Variants in SMIM8 observed in about 807,000 individuals in gnomAD.
SMIM8 encodes the protein small integral membrane protein 8.
A neutral mutation model predicts 8.1 loss-of-function variants in SMIM8; 8 were observed. The ratio of observed to expected loss-of-function variants is 0.99; its 90% confidence interval spans 0.58 to 1.78. The LOEUF is 1.78. Among genes scored for constraint, SMIM8 ranks in the 40% most tolerant of loss-of-function variants. SMIM8 has a pLI of 0.00. For missense variants in SMIM8, 126 were observed against 119.8 expected, an observed-to-expected ratio of 1.05 and a Z score of -0.24; for synonymous variants, 45 against 39.7, an observed-to-expected ratio of 1.13 and a Z score of -0.50.
At position 87,337,071 on chromosome 6, in the gene SMIM8, C is replaced by T. The variant is rs151038931; in HGVS notation, c.40C>T (p.Pro14Ser). The change falls in exon 3 of 4, where the codon CCA becomes TCA. Residue 14 changes from proline to serine, a missense_variant. Physicochemically the swap from Pro to Ser is moderately conservative, Grantham distance 74. Transcript: ENST00000392863. ...APEPPTFKKE[P>S]PKEKEFQSPG... ...TGAGCCTCCAACATTCAAAAAGGAA[C>T]CACCCAAAGAGAAAGAGTTTCAAAG... 6.2e-7 allele frequency: 1 copy of T among 1,612,562 alleles called. No homozygotes were observed.
chr6:87,330,150 G>C (rs1746444), intron 1 of SMIM8, among the ~76,000 whole-genome samples: 95,102 of 151,978 alleles, frequency 0.63, 30,178 homozygotes, highest in African/African-American at 0.7. Context: ...CTGCCCCAAA[G>C]TTCAAGTTAG....
At chr6:87,322,838 C>G (rs1406350521) in intron 1 of SMIM8, 2 of 152,300 alleles carry the variant, frequency 1.3e-5, no homozygotes, top group African/African-American at 4.8e-5. Context: ...AGCTCTCTGG[C>G]CCCACAGAGC....
chr6:87,333,933 C>T (rs1304883073), intron 2 of SMIM8, among the ~76,000 whole-genome samples: 2 of 152,288 alleles, frequency 1.3e-5, no homozygotes, highest in Non-Finnish European at 2.9e-5. Flanking sequence ...GTTCAGCAGG[C>T]TGTACAGGAA....
chr6:87,332,765 T>C (rs114144808), intron 2 of SMIM8, among the ~76,000 whole-genome samples: 1,272 of 28,060 alleles, frequency 0.045, 17 homozygotes, highest in African/African-American at 0.17. Context: ...TACAATGACT[T>C]TTACCTTTGT....
rs1255409121 is a variant in SMIM8, at chr6:87,342,311, ACCTTTCAAATAGT to A, written c.*2040_*2052del. On this transcript the variant is annotated 3_prime_UTR_variant, in exon 4 of 4. Transcript: ENST00000392863. ...AGGGTATAACCATCAAAAATAAAAT[ACCTTTCAAATAGT>A]CCAAAGATTCTGAACATTGAACTTC... The A allele has an allele frequency of 6.6e-6, 1 of 152,206 alleles. No homozygotes were observed. Among genetic ancestry groups the A allele is most frequent in the African/African-American group, 2.4e-5 (1 of 41,444 alleles). The allele number at this position is 152,206 out of a possible 1,614,324, so 9.4% of individuals were successfully genotyped here. A position where few individuals can be genotyped will look rare whatever the true frequency, so the allele number is the denominator to read the frequency against.
At chr6:87,333,037 G>T (rs1255933521) in intron 2 of SMIM8, among the ~76,000 whole-genome samples, 1 of 152,198 alleles carries the variant, frequency 6.6e-6, no homozygotes, top group Non-Finnish European at 1.5e-5. Context: ...ATGAAGAAAA[G>T]AAGTTTATTT....
chr6:87,332,446 T>C (rs1777016442), intron 2 of SMIM8, among the ~76,000 whole-genome samples: 1 of 149,418 alleles, frequency 6.7e-6, no homozygotes, highest in Admixed American at 6.7e-5. Flanking sequence ...TATAATTTTA[T>C]ATACCCCAGG....
intron 1 of SMIM8, among the ~76,000 whole-genome samples, chr6:87,327,343 C>T (rs1776852468): frequency 6.6e-6 from 1 of 152,014 alleles, no homozygotes; most frequent in Admixed American, 6.6e-5. Flanking sequence ...TTAGTTGATA[C>T]AGTTTCTTCC....
intron 2 of SMIM8, among the ~76,000 whole-genome samples, chr6:87,333,684 G>C (rs369674): frequency 0.43 from 65,210 of 152,066 alleles, 14,396 homozygotes; most frequent in Non-Finnish European, 0.48. Flanking sequence ...ATTGAGCCAA[G>C]ATTGAAGAGA....
intron 3 of SMIM8, among the ~76,000 whole-genome samples, chr6:87,339,325 CGTGTGTGTGTGTGT>C (rs59321615): frequency 0.014 from 1,682 of 124,176 alleles, 29 homozygotes; most frequent in African/African-American, 0.045. Context: ...CAAAACACAG[CGTGTGTGTGTGTGT>C]GTGTGTGTGT....
At chr6:87,325,902 C>T (rs1776808464) in intron 1 of SMIM8, among the ~76,000 whole-genome samples, 1 of 152,128 alleles carries the variant, frequency 6.6e-6, no homozygotes, top group South Asian at 2.1e-4. Context: ...CTCCTGGACT[C>T]TTTTTGGTTG....
Position 87,341,634 on chromosome 6 carries a change from G to T in SMIM8, c.*1360G>T, listed in dbSNP as rs187855430. ...TTTATCATAATGTTATTTTTAATTT[G>T]TCATACTTTATTATGGTTTTGTAAG... On this transcript the variant is annotated 3_prime_UTR_variant, in exon 4 of 4. Coordinates refer to ENST00000392863, the MANE Select transcript of SMIM8 (RefSeq NM_001042493.3). 1.3e-4 allele frequency: 28 copies of T among 217,648 alleles called. No homozygotes were observed. In the East Asian group the frequency reaches 2.5e-3, roughly 20 times the overall value. The allele number at this position is 217,648 out of a possible 1,614,324, so 13.5% of individuals were successfully genotyped here. A position where few individuals can be genotyped will look rare whatever the true frequency, so the allele number is the denominator to read the frequency against.
chr6:87,328,748 G>T (rs1024676696), intron 1 of SMIM8, among the ~76,000 whole-genome samples: 1 of 152,224 alleles, frequency 6.6e-6, no homozygotes, highest in Non-Finnish European at 1.5e-5. Context: ...TACAGAGGCA[G>T]GCAGGCCTCC....
At chr6:87,338,427 A>G (rs760715226) in intron 3 of SMIM8, among the ~76,000 whole-genome samples, 13 of 152,214 alleles carry the variant, frequency 8.5e-5, no homozygotes, top group Non-Finnish European at 1.8e-4. Flanking sequence ...GGCAAGTACA[A>G]AAGTTGCTTT....
intron 1 of SMIM8, among the ~76,000 whole-genome samples, chr6:87,328,631 T>G (rs1776904094): frequency 6.6e-6 from 1 of 152,338 alleles, no homozygotes; most frequent in South Asian, 2.1e-4. Flanking sequence ...AGCTGCGTGC[T>G]GGGAGAACCA....
At chr6:87,328,567 G>T (rs1776901158) in intron 1 of SMIM8, among the ~76,000 whole-genome samples, 1 of 151,978 alleles carries the variant, frequency 6.6e-6, no homozygotes, top group African/African-American at 2.4e-5. Flanking sequence ...GCTGCTCGGG[G>T]GTCAGGGGTC....
At position 87,340,781 on chromosome 6, in the gene SMIM8, T is replaced by C. The variant is rs1382803363; in HGVS notation, c.*507T>C. On this transcript the variant is annotated 3_prime_UTR_variant, in exon 4 of 4. Transcript: ENST00000392863. ...ATGAGATATGAGAAACTGAGTTGGC[T>C]CTGACAAGTAGTTTTTATAGTGTCA... 1.3e-5 allele frequency: 2 copies of C among 152,666 alleles called. No individual in the cohort carries two copies. Among genetic ancestry groups the C allele is most frequent in the Non-Finnish European group, 1.5e-5 (1 of 68,410 alleles). 9.5% of individuals were successfully genotyped at this position (152,666 alleles called of 1,614,324 possible). A position where few individuals can be genotyped will look rare whatever the true frequency, so the allele number is the denominator to read the frequency against.
chr6:87,333,577 A>T (rs968385973), intron 2 of SMIM8, among the ~76,000 whole-genome samples: 5 of 152,234 alleles, frequency 3.3e-5, no homozygotes, highest in Non-Finnish European at 7.3e-5. Context: ...GAAGAAAAAA[A>T]TGGTAGTAGT....
intron 1 of SMIM8, among the ~76,000 whole-genome samples, chr6:87,327,261 A>T (rs1462141713): frequency 6.8e-6 from 1 of 146,854 alleles, no homozygotes; most frequent in South Asian, 2.2e-4. Context: ...CATTTAGTCC[A>T]TTTACATTTA....
Sources: allele counts gnomAD v4.1 joint callset (sites outside exome capture counted in the v4.1 genomes callset), GRCh38; gene constraint gnomAD v4.1.1; transcripts MANE v1.5; gene names NCBI Gene and HGNC (gene_info 2026-07-23, HGNC 2026-07-21).